EXPH5: variants seen among roughly 807,000 people sequenced by gnomAD.
EXPH5 encodes the protein exophilin-5.
EXPH5 carries 42 observed loss-of-function variants against 41.1 expected under a neutral mutation model. That is an observed-to-expected ratio of 1.02 (90% CI 0.80 to 1.32). EXPH5 has a LOEUF of 1.32. Among genes scored for constraint, EXPH5 ranks in the 40% most tolerant of loss-of-function variants. The pLI, the probability that EXPH5 is intolerant of heterozygous loss-of-function variation, is 0.00. For missense variants in EXPH5, 2,298 were observed against 2,314.5 expected, an observed-to-expected ratio of 0.99 and a Z score of 0.15; for synonymous variants, 798 against 833.5, an observed-to-expected ratio of 0.96 and a Z score of 0.73.
Position 108,512,450 on chromosome 11 carries a change from A to G in EXPH5, c.3057T>C (p.Tyr1019=). Reference sequence around the variant, plus strand: ...TGCTTGATTTTCTTGGCAAGGTACAATAAATTGTGTCAAGTTCAGAAACTT... The same window carrying G: ...TGCTTGATTTTCTTGGCAAGGTACAGTAAATTGTGTCAAGTTCAGAAACTT... ...NSKVSELDTI[Y]CTLPRKSSSF... is the part of the protein sequence containing the mutation. Residue 1019 remains tyrosine (Y), a synonymous_variant, in exon 6 of 6, where the codon TAT becomes TAC. Transcript: ENST00000265843. The G allele has an allele frequency of 6.2e-7, 1 of 1,613,524 alleles. No individual in the cohort carries two copies. Among genetic ancestry groups the G allele is most frequent in the Non-Finnish European group, 8.5e-7 (1 of 1,179,888 alleles).
At chr11:108,579,860 G>A (rs1016873760) in intron 1 of EXPH5, among the ~76,000 whole-genome samples, 1 of 152,080 alleles carries the variant, frequency 6.6e-6, no homozygotes, top group Non-Finnish European at 1.5e-5. Context: ...GTAGGAAAAG[G>A]GTTTTCTGGC....
At chr11:108,592,552 A>G (rs527943685) in intron 1 of EXPH5, among the ~76,000 whole-genome samples, 1 of 152,292 alleles carries the variant, frequency 6.6e-6, no homozygotes, top group East Asian at 1.9e-4. Flanking sequence ...ACTTAGATGG[A>G]TATATTCCAA....
chr11:108,600,475 C>T, the EXPH5 span, among the ~76,000 whole-genome samples: 1 of 152,036 alleles, frequency 6.6e-6, no homozygotes, highest in South Asian at 2.1e-4. Context: ...ATGTGACTGG[C>T]ACAGTATGCG....
intron 2 of EXPH5, 63 bp from the exon 3 acceptor site, chr11:108,539,249 T>C: frequency 3.3e-6 from 4 of 1,225,034 alleles, no homozygotes; most frequent in Non-Finnish European, 4.6e-6. Flanking sequence ...CTTGAAAGAA[T>C]GAAGCCTTTG....
intron 1 of EXPH5, among the ~76,000 whole-genome samples, chr11:108,546,853 A>G (rs1478667185): frequency 6.6e-6 from 1 of 150,516 alleles, no homozygotes; most frequent in African/African-American, 2.4e-5. Context: ...CCCAGGCTGG[A>G]GTACAGTGGC....
intron 1 of EXPH5, among the ~76,000 whole-genome samples, chr11:108,583,241 G>A (rs1438059450): frequency 6.6e-6 from 1 of 151,936 alleles, no homozygotes; most frequent in African/African-American, 2.4e-5. Flanking sequence ...AATTAGCCGG[G>A]CGTGGTGGCG....
rs575454765 is a variant in EXPH5, at chr11:108,507,167, C to G, written c.*2370G>C. ...TTTCTGAGCTCAGGATTGGTCAGAG[C>G]TTGAAGTTTAAAATAGTTGACAGAT... On this transcript the variant is annotated 3_prime_UTR_variant, in exon 6 of 6. Transcript: ENST00000265843. 6.6e-6 allele frequency: 1 copy of G among 152,260 alleles called. No homozygotes were observed. The highest frequency in any genetic ancestry group is 6.5e-5 in the Admixed American group (1 of 15,290). The allele number at this position is 152,260 out of a possible 1,614,324, so 9.4% of individuals were successfully genotyped here. A position where few individuals can be genotyped will look rare whatever the true frequency, so the allele number is the denominator to read the frequency against.
the EXPH5 span, among the ~76,000 whole-genome samples, chr11:108,600,481 A>T: frequency 0.1 from 15,264 of 152,250 alleles, 869 homozygotes; most frequent in East Asian, 0.28. Context: ...CTGGCACAGT[A>T]TGCGGATGAT....
rs565453534 is a variant in EXPH5 at position 108,593,745 on chromosome 11, C to T, written c.-209G>A. The T allele has an allele frequency of 3.3e-6, 5 of 1,536,360 alleles. No homozygotes were observed. The African/African-American group carries it at 4.1e-5, about 13-fold the overall frequency. ...TACCTTAATGACATGTTTCTCTCAA[C>T]CTGTCCAACCGAGATGCAAAGTGAA... On this transcript the variant is annotated 5_prime_UTR_variant, in exon 1 of 6. Coordinates refer to ENST00000265843, the MANE Select transcript of EXPH5 (RefSeq NM_015065.3).
intron 5 of EXPH5, among the ~76,000 whole-genome samples, chr11:108,516,582 T>C (rs2135941355): frequency 6.6e-6 from 1 of 152,326 alleles, no homozygotes; most frequent in South Asian, 2.1e-4. Context: ...ACAGGAAATG[T>C]AAGTGTCTGA....
Position 108,510,574 on chromosome 11 carries a change from C to G in EXPH5, c.4933G>C (p.Glu1645Gln). The G allele has an allele frequency of 6.2e-7, 1 of 1,614,038 alleles. No individual in the cohort carries two copies. The highest frequency in any genetic ancestry group is 8.5e-7 in the Non-Finnish European group (1 of 1,179,994). ...GACTCTGCAGATTTTGGAGTAGGCT[C>G]AGGGAACAGTGGGTTGCACTCCACT... ...GTVECNPLFP[E>Q]PTPKSAESIG... The change falls in exon 6 of 6, where the codon GAG becomes CAG. Residue 1645 changes from glutamate (E) to glutamine (Q), a missense_variant. Physicochemically the swap from Glu to Gln is conservative, Grantham distance 29. Transcript: ENST00000265843.
intron 1 of EXPH5, among the ~76,000 whole-genome samples, chr11:108,575,560 A>G (rs1408906317): frequency 3.9e-5 from 6 of 152,256 alleles, no homozygotes; most frequent in African/African-American, 1.4e-4. Context: ...TATATGCAGT[A>G]GAATAGTATA....
Position 108,512,975 on chromosome 11 carries a change from A to C in EXPH5, c.2532T>G (p.Ile844Met). The change falls in exon 6 of 6, where the codon ATT becomes ATG. Residue 844 changes from isoleucine (I) to methionine (M), a missense_variant. Ile to Met is a conservative substitution (Grantham distance 10, BLOSUM62 1). Transcript: ENST00000265843. ...GTGCAGAGCTCCAGTGGTTATTTGT[A>C]ATAATTCTTGAAATATCTTCATTAT... ...TVNNEDISRI[I>M]TNNHWSSALT... 1 of 1,613,228 alleles carries C rather than the reference A, an allele frequency of 6.2e-7. No individual in the cohort carries two copies. The highest frequency in any genetic ancestry group is 8.5e-7 in the Non-Finnish European group (1 of 1,179,662).
chr11:108,533,651 A>G (rs1367536083), intron 3 of EXPH5, among the ~76,000 whole-genome samples: 1 of 152,132 alleles, frequency 6.6e-6, no homozygotes, highest in Non-Finnish European at 1.5e-5. Context: ...CACTACAGCT[A>G]GAGGAAAGTT....
At chr11:108,590,594 C>T (rs925067685) in intron 1 of EXPH5, among the ~76,000 whole-genome samples, 1 of 152,134 alleles carries the variant, frequency 6.6e-6, no homozygotes, top group Admixed American at 6.5e-5. Flanking sequence ...TCACACCTAT[C>T]TCAGAACATC....
upstream of EXPH5, among the ~76,000 whole-genome samples, chr11:108,595,919 A>T (rs945617755): frequency 2.0e-5 from 3 of 152,132 alleles, no homozygotes; most frequent in Admixed American, 2.0e-4. Flanking sequence ...ATTGAACTTA[A>T]GGCCGGGCAC....
chr11:108,534,083 C>T (rs2093862553), intron 3 of EXPH5, among the ~76,000 whole-genome samples: 2 of 152,206 alleles, frequency 1.3e-5, no homozygotes, highest in African/African-American at 2.4e-5. Context: ...GCGGCCACCA[C>T]ATCTGACCCA....
At chr11:108,538,801 A>G (rs1591711607) in intron 3 of EXPH5, among the ~76,000 whole-genome samples, 1 of 152,192 alleles carries the variant, frequency 6.6e-6, no homozygotes, top group African/African-American at 2.4e-5. Flanking sequence ...TGCACCACCA[A>G]TGCACTCTGC....
At chr11:108,585,062 CAAAT>C (rs1343680773) in intron 1 of EXPH5, among the ~76,000 whole-genome samples, 1 of 152,012 alleles carries the variant, frequency 6.6e-6, no homozygotes, top group Non-Finnish European at 1.5e-5. Flanking sequence ...AATCAGAAAA[CAAAT>C]AACCCAACTA....
Sources: allele counts gnomAD v4.1 joint callset (sites outside exome capture counted in the v4.1 genomes callset), GRCh38; gene constraint gnomAD v4.1.1; transcripts MANE v1.5; gene names NCBI Gene and HGNC (gene_info 2026-07-23, HGNC 2026-07-21).